Variants in NT5C1B observed in about 807,000 individuals in gnomAD.
NT5C1B encodes the protein cytosolic 5'-nucleotidase 1B.
Under a neutral mutation model 57.8 loss-of-function variants are expected in NT5C1B, and 44 were observed. The observed-to-expected ratio is 0.76, with a 90% confidence interval of 0.60 to 0.98. The LOEUF (loss-of-function observed/expected upper bound fraction) is 0.98. Ranked by LOEUF, NT5C1B falls within the 50% of genes least tolerant of loss-of-function variation. The probability of loss-of-function intolerance (pLI) is 0.00; values close to 1 mark genes in which losing one functional copy is unlikely to be tolerated. For synonymous variants in NT5C1B, 284 were observed against 282.6 expected (o/e 1.00, Z -0.05); for missense variants, 742 against 719.5 (o/e 1.03, Z -0.36).
At chr2:18,568,538 G>C (rs2148089253) in intron 8 of NT5C1B, among the ~76,000 whole-genome samples, 1 of 152,286 alleles carries the variant, frequency 6.6e-6, no homozygotes, top group South Asian at 2.1e-4. Flanking sequence ...AAAGGAATTT[G>C]AATATGAAAT....
In NT5C1B at chr2:18,584,002, G is replaced by A. The variant is rs1666425287; in HGVS notation, c.891+86C>T. The A allele has an allele frequency of 6.2e-7, 1 of 1,610,316 alleles. No homozygotes were observed. The highest frequency in any genetic ancestry group is 8.5e-7 in the Non-Finnish European group (1 of 1,177,224). ...CAAGGGTGGGCTAGGAATGATCTGG[G>A]AAATTGGATGCCCTCCCAAGGGTTG... On this transcript the variant is annotated intron_variant, in intron 5 of 8. Transcript: ENST00000304081. This position sits in a 1 kb window ranked among gnomAD's most constrained non-coding sequence, Gnocchi z 5.8.
chr2:18,577,473 A>C (rs535128025), intron 6 of NT5C1B, among the ~76,000 whole-genome samples: 5 of 151,580 alleles, frequency 3.3e-5, no homozygotes, highest in Admixed American at 1.3e-4. Flanking sequence ...ATACAATTAC[A>C]TGGAAAGTAA....
At chr2:18,581,643 A>G (rs1253618362) in intron 6 of NT5C1B, among the ~76,000 whole-genome samples, 2 of 152,164 alleles carry the variant, frequency 1.3e-5, no homozygotes, top group South Asian at 4.1e-4. Flanking sequence ...ACAAAAGTGT[A>G]TTCTACAAAT....
At chr2:18,589,492 T>G in exon 1 of NT5C1B, 2 of 1,613,964 alleles carry the variant, frequency 1.2e-6, no homozygotes. Context: ...GAAATTCTTT[T>G]GTTGTTATCC....
chr2:18,587,916 G>T (rs1666868177), intron 1 of NT5C1B, among the ~76,000 whole-genome samples: 1 of 150,332 alleles, frequency 6.7e-6, no homozygotes, highest in African/African-American at 2.4e-5. Flanking sequence ...GAATAAGTTT[G>T]TTTTTTTTTC....
chr2:18,579,936 A>G (rs2148145360), intron 6 of NT5C1B, among the ~76,000 whole-genome samples: 1 of 152,318 alleles, frequency 6.6e-6, no homozygotes, highest in East Asian at 1.9e-4. Context: ...AAACAGATTA[A>G]CAAGCAGAAA....
chr2:18,576,421 T>G, intron 7 of NT5C1B, 53 bp from the exon 8 acceptor site: 1 of 1,546,768 alleles, frequency 6.5e-7, no homozygotes, highest in South Asian at 1.2e-5. Context: ...TGAGTTATAG[T>G]TTCTACCATT....
intron 3 of NT5C1B, 134 bp downstream of exon 3, chr2:18,586,120 G>C: frequency 1.5e-6 from 2 of 1,357,184 alleles, no homozygotes; most frequent in African/African-American, 1.4e-5. Flanking sequence ...GGGCAGAAGG[G>C]AGTTCTCCCA....
At chr2:18,566,007 A>G (rs762242906) in intron 8 of NT5C1B, among the ~76,000 whole-genome samples, 6 of 152,176 alleles carry the variant, frequency 3.9e-5, no homozygotes, top group Non-Finnish European at 7.4e-5. Flanking sequence ...ACATTTTATC[A>G]TGTCTTCCTT....
intron 8 of NT5C1B, among the ~76,000 whole-genome samples, chr2:18,569,251 C>T (rs1664932871): frequency 6.6e-6 from 1 of 151,558 alleles, no homozygotes; most frequent in Non-Finnish European, 1.5e-5. Flanking sequence ...AGTCATAAGC[C>T]AATAGTGGAG....
intron 6 of NT5C1B, among the ~76,000 whole-genome samples, chr2:18,580,247 C>T (rs1670374757): frequency 6.6e-6 from 1 of 152,132 alleles, no homozygotes; most frequent in South Asian, 2.1e-4. Context: ...GAATTTTAAA[C>T]AGAATTATCA....
chr2:18,579,671 C>G (rs976121615), intron 6 of NT5C1B, among the ~76,000 whole-genome samples: 1 of 151,916 alleles, frequency 6.6e-6, no homozygotes, highest in African/African-American at 2.4e-5. Flanking sequence ...ACATAAAACT[C>G]AAAGCCCAAG....
intron 3 of NT5C1B, among the ~76,000 whole-genome samples, chr2:18,585,747 G>C (rs1666644789): frequency 6.6e-6 from 1 of 152,216 alleles, no homozygotes; most frequent in African/African-American, 2.4e-5. Context: ...ATCCGATAGA[G>C]ATGATGAATT....
At chr2:18,583,867 G>C (rs1385052295) in intron 5 of NT5C1B, 3 of 750,866 alleles carry the variant, frequency 4.0e-6, no homozygotes, top group African/African-American at 1.7e-5. Context: ...ACTTAGGGAA[G>C]ACTAACATAC....
chr2:18,586,076 A>G (rs1056585966), intron 3 of NT5C1B, among the ~76,000 whole-genome samples, 178 bp downstream of exon 3: 1 of 152,128 alleles, frequency 6.6e-6, no homozygotes, highest in Non-Finnish European at 1.5e-5. Flanking sequence ...TTCCCTCTGT[A>G]CTTCAGGTTT....
At chr2:18,588,925 T>A (rs1457586680) in intron 1 of NT5C1B, among the ~76,000 whole-genome samples, 1 of 152,214 alleles carries the variant, frequency 6.6e-6, no homozygotes, top group Non-Finnish European at 1.5e-5. Flanking sequence ...GACTTGTATT[T>A]GCCTGCATAC....
chr2:18,575,821 T>G (rs1381081730), intron 8 of NT5C1B, among the ~76,000 whole-genome samples: 2 of 152,218 alleles, frequency 1.3e-5, no homozygotes, highest in East Asian at 3.8e-4. Flanking sequence ...ATGCTTACTC[T>G]AATCTATTGG....
rs116220325 is a variant in NT5C1B at position 18,586,416 on chromosome 2, C to T, written c.121-25G>A. On this transcript the variant is annotated intron_variant, in intron 2 of 8. Transcript: ENST00000304081. The stretch of plus-strand genomic sequence containing the variant: ...CCTGTGATGGAAAGAAGAAACCCAA[C>T]GGTGTAAAACCCCATCACCAACTCC... The T allele has an allele frequency of 2.2e-3, 3,535 of 1,612,488 alleles. 48 individuals carry two copies. In the African/African-American group the frequency reaches 0.038, roughly 17 times the overall value.
exon 6 of NT5C1B, chr2:18,582,868 C>T (rs868259579): frequency 1.7e-5 from 27 of 1,612,660 alleles, no homozygotes; most frequent in South Asian, 1.2e-4. Context: ...TTTTACTTAC[C>T]GTAGTGATTG....
Sources: gnomAD v4.1 joint callset for allele counts (sites outside exome capture counted in the v4.1 genomes callset) on GRCh38, gnomAD v4.1.1 for gene constraint, Gnocchi (gnomAD v3.1) non-coding constraint, MANE v1.5 for transcripts, NCBI Gene and HGNC (gene_info 2026-07-23, HGNC 2026-07-21) for gene names.